The following PKD1 variants were observed in gnomAD, a reference collection of about 807,000 sequenced individuals.
PKD1 encodes the protein polycystin 1, transient receptor potential channel interacting, also known as polycystin-1.
In PKD1, 81 loss-of-function variants were observed where a neutral mutation model predicts 361.7. The ratio of observed to expected loss-of-function variants is 0.22; its 90% CI spans 0.19 to 0.27. PKD1 has a LOEUF of 0.27. Among genes scored for constraint, PKD1 ranks in the 10% least tolerant of loss-of-function variants. The pLI, the probability that PKD1 is intolerant of heterozygous loss-of-function variation, is 1.00. For synonymous variants in PKD1, 3,615 were observed against 2,818.3 expected (o/e 1.28, Z -8.95); for missense variants, 6,399 against 6,118.3 (o/e 1.05, Z -1.53).
Position 2,109,325 on chromosome 16 carries a change from C to T in PKD1, c.5842G>A (p.Val1948Met), listed in dbSNP as rs1316705471. ...HSFPRVGDHV[V>M]SVRGKNHVSW... is the part of the protein sequence containing the mutation. ...ACGTGGTTTTTGCCCCGCACGCTCACCACGTGGTCTCCGACGCGGGGGAAG... is the reference window on the plus strand; with the variant it reads ...ACGTGGTTTTTGCCCCGCACGCTCATCACGTGGTCTCCGACGCGGGGGAAG... The change falls in exon 15 of 46, where the codon GTG becomes ATG. Residue 1948 changes from valine to methionine, a missense_variant. Physicochemically the swap from Val to Met is conservative, Grantham distance 21. Transcript: ENST00000262304. 1 of 1,589,962 alleles carries T rather than the reference C, an allele frequency of 6.3e-7. No individual in the cohort carries two copies. The highest frequency in any genetic ancestry group is 1.7e-5 in the Admixed American group (1 of 59,718).
intron 23 of PKD1, 73 bp from the exon 24 acceptor site, chr16:2,103,043 C>G (rs1382203330): frequency 6.6e-7 from 1 of 1,520,426 alleles, no homozygotes; most frequent in Admixed American, 1.7e-5. Flanking sequence ...GATGGCCCTC[C>G]TGAGCCCACC....
intron 1 of PKD1, among the ~76,000 whole-genome samples, chr16:2,119,618 C>T (rs1463375110): frequency 6.6e-6 from 1 of 152,194 alleles, no homozygotes; most frequent in East Asian, 1.9e-4. Flanking sequence ...AGCCCTATGC[C>T]GAGTGCCACA....
At chr16:2,107,744 T>C in intron 16 of PKD1, 139 bp downstream of exon 16, 1 of 793,012 alleles carries the variant, frequency 1.3e-6, no homozygotes, top group African/African-American at 1.7e-5. Flanking sequence ...AAGCAGGCTG[T>C]CGTGTTACAT....
intron 21 of PKD1, among the ~76,000 whole-genome samples, chr16:2,104,843 G>A (rs1423233011): frequency 7.9e-6 from 1 of 125,998 alleles, no homozygotes; most frequent in East Asian, 2.4e-4. Flanking sequence ...ACCACGTGAT[G>A]CAGCCCACCG....
intron 23 of PKD1, 69 bp from the exon 24 acceptor site, chr16:2,103,039 C>T: frequency 6.6e-7 from 1 of 1,525,620 alleles, no homozygotes; most frequent in Non-Finnish European, 9.0e-7. Context: ...CCACGATGGC[C>T]CTCCTGAGCC....
In PKD1 at chr16:2,102,243, T is replaced by C. The variant is rs1213873054; in HGVS notation, c.9215A>G (p.Asp3072Gly). The C allele has an allele frequency of 6.6e-7, 1 of 1,526,396 alleles. No individual in the cohort carries two copies. The highest frequency in any genetic ancestry group is 1.4e-5 in the African/African-American group (1 of 70,628). The allele number at this position is 1,526,396 out of a possible 1,614,324, so 94.6% of individuals were successfully genotyped here. Residue 3072 changes from aspartate to glycine, a missense_variant, in exon 26 of 46, where the codon GAT becomes GGT. Transcript: ENST00000262304. ...VRFVFPEPTA[D>G]VNYIVMLTCA... ...TGTCAGCATGACGATGTAGTTTACA[T>C]CCGCTGTCGGCTCCTGTGAGGACAC...
chr16:2,115,434 C>T lies in PKD1; in HGVS notation c.2041G>A (p.Ala681Thr). ...SGPGLPGAPY[A>T]LWREFLFSVP... is the part of the protein sequence containing the mutation. ...GAGAAGAGGAACTCTCTCCATAGCGCATAGGGGGCCCCGGGTAGCCCTGGC... is the reference window on the plus strand; with the variant it reads ...GAGAAGAGGAACTCTCTCCATAGCGTATAGGGGGCCCCGGGTAGCCCTGGC... The change falls in exon 10 of 46, where the codon GCG becomes ACG. Residue 681 changes from alanine (A) to threonine (T), a missense_variant. Physicochemically the swap from Ala to Thr is moderately conservative, Grantham distance 58. Transcript: ENST00000262304. 1.9e-6 allele frequency: 3 copies of T among 1,591,856 alleles called. No individual in the cohort carries two copies. In the East Asian group the frequency reaches 6.8e-5, roughly 36 times the overall value.
Position 2,111,565 on chromosome 16 carries a change from G to A in PKD1, c.3602C>T (p.Ala1201Val), listed in dbSNP as rs773471530. ...AAAGACGCGCACATCCGCCTGGGCCGCCGCACCGCTCACCGTGTTGTTGAC... is the reference window on the plus strand; with the variant it reads ...AAAGACGCGCACATCCGCCTGGGCCACCGCACCGCTCACCGTGTTGTTGAC... ...LEVNNTVSGA[A>V]AQADVRVFEE... Residue 1201 changes from alanine to valine, a missense_variant, in exon 15 of 46, where the codon GCG becomes GTG. Physicochemically the swap from Ala to Val is moderately conservative, Grantham distance 64. Transcript: ENST00000262304. The A allele has an allele frequency of 3.2e-5, 51 of 1,579,654 alleles. No individual in the cohort carries two copies. Among genetic ancestry groups the A allele is most frequent in the Non-Finnish European group, 3.6e-5 (42 of 1,163,956 alleles).
rs757555029 is a variant in PKD1, at chr16:2,097,970, C to T, written c.10065G>A (p.Pro3355=). 226 of 1,585,986 alleles carry T rather than the reference C, an allele frequency of 1.4e-4. No individual in the cohort carries two copies. The highest frequency in any genetic ancestry group is 1.7e-4 in the Non-Finnish European group (199 of 1,160,420). ...CCTGCTGCCCGGCAGGTGTGGGGCTCGGGCTCCCAGCCACCTGCAGGACGA... is the reference window on the plus strand; with the variant it reads ...CCTGCTGCCCGGCAGGTGTGGGGCTTGGGCTCCCAGCCACCTGCAGGACGA... The part of the protein sequence containing the change: ...RMSRSKVAGS[P]SPTPAGQQVL... Residue 3355 remains proline, a synonymous_variant, in exon 31 of 46, where the codon CCG becomes CCA. Coordinates refer to ENST00000262304, the MANE Select transcript of PKD1 (RefSeq NM_001009944.3).
chr16:2,114,348 G>A lies in PKD1; in HGVS notation c.2675C>T (p.Thr892Ile), dbSNP rs2092593479. The A allele has an allele frequency of 1.2e-6, 2 of 1,610,390 alleles. No individual in the cohort carries two copies. Among genetic ancestry groups the A allele is most frequent in the East Asian group, 2.2e-5 (1 of 44,878 alleles). The change falls in exon 11 of 46, where the codon ACC (threonine) becomes ATC (isoleucine). Residue 892 changes from threonine (T) to isoleucine (I), a missense_variant. Coordinates refer to ENST00000262304, the MANE Select transcript of PKD1 (RefSeq NM_001009944.3). ...CGGCAGTGCTACCACTGAGAACAGG[G>A]TATCGTTGGTCTCCCAGGGGCAGCC... Reference protein sequence around the residue: ...VPGCPWETNDTLFSVVALPWL... With the variant: ...VPGCPWETNDILFSVVALPWL...
At chr16:2,115,264 G>A (rs1324816765) in intron 10 of PKD1, 114 bp downstream of exon 10, 33 of 1,161,176 alleles carry the variant, frequency 2.8e-5, no homozygotes, top group Non-Finnish European at 3.7e-5. Context: ...TGGCAAGGAC[G>A]TGGGAGGGGC....
intron 1 of PKD1, among the ~76,000 whole-genome samples, chr16:2,130,386 T>C (rs1290684534): frequency 1.3e-5 from 2 of 152,144 alleles, no homozygotes; most frequent in East Asian, 3.9e-4. Flanking sequence ...TGTGGGAGCT[T>C]TGAAACCTGG....
intron 1 of PKD1, among the ~76,000 whole-genome samples, chr16:2,134,746 G>A (rs936168988): frequency 6.7e-6 from 1 of 148,280 alleles, no homozygotes. Context: ...CAGGAGCCTG[G>A]CACAGACCTG....
intron 1 of PKD1, among the ~76,000 whole-genome samples, chr16:2,130,088 T>C (rs545352166): frequency 2.6e-5 from 4 of 152,274 alleles, no homozygotes; most frequent in Admixed American, 2.6e-4. Context: ...CTTGTCCACA[T>C]TTTTGTCCAC....
rs745419535 is a variant in PKD1 at position 2,106,653 on chromosome 16, T to G, written c.7234A>C (p.Asn2412His). The G allele has an allele frequency of 6.3e-7, 1 of 1,597,660 alleles. No individual in the cohort carries two copies. The highest frequency in any genetic ancestry group is 8.5e-7 in the Non-Finnish European group (1 of 1,179,186). Reference sequence around the variant, plus strand: ...GTCTCATCCAGCACCAGCGTCTTGTTGCTGAACGTACGTGCAGCCCACCGC... The same window carrying G: ...GTCTCATCCAGCACCAGCGTCTTGTGGCTGAACGTACGTGCAGCCCACCGC... ...RGRWAARTFS[N>H]KTLVLDETTT... is the part of the protein sequence containing the mutation. The change falls in exon 18 of 46, where the codon AAC (asparagine) becomes CAC (histidine). Residue 2412 changes from asparagine (N) to histidine (H), a missense_variant. Asn to His is a moderately conservative substitution (Grantham distance 68). Coordinates refer to ENST00000262304, the MANE Select transcript of PKD1 (RefSeq NM_001009944.3). This position sits in a 1 kb window ranked among gnomAD's most constrained non-coding sequence, Gnocchi z 6.5.
intron 30 of PKD1, chr16:2,099,373 T>G (rs950792813): frequency 1.8e-4 from 88 of 502,786 alleles, no homozygotes; most frequent in Non-Finnish European, 2.6e-4. Flanking sequence ...CGTGCTTGCT[T>G]CTTCTGAGTT....
chr16:2,094,085 A>G lies in PKD1; in HGVS notation c.10618+7T>C, dbSNP rs773918701. The G allele has an allele frequency of 1.0e-5, 16 of 1,590,426 alleles. No individual in the cohort carries two copies. Among genetic ancestry groups the G allele is most frequent in the Non-Finnish European group, 1.4e-5 (16 of 1,166,844 alleles). ...GCTAGGGGCATCCCGGGGCTACGCA[A>G]GCACACCTGTCCTGGACAGCCTCGC... is the stretch of plus-strand genomic sequence containing the variant. On this transcript the variant is annotated splice_region_variant and intron_variant, in intron 35 of 45. Coordinates refer to ENST00000262304, the MANE Select transcript of PKD1 (RefSeq NM_001009944.3).
At chr16:2,093,761 G>T in intron 36 of PKD1, 23 bp from the exon 37 acceptor site, 1 of 1,566,448 alleles carries the variant, frequency 6.4e-7, no homozygotes, top group Non-Finnish European at 8.6e-7. Flanking sequence ...TGGCTTCAGA[G>T]GGGTCCCCCG....
chr16:2,088,782 C>T lies in PKD1; in HGVS notation c.*945G>A, dbSNP rs776059099. Reference sequence around the variant, plus strand: ...TGGGGGGGTGTCGAGGCTCTAGAAGCGGCCATGCCCACAGAAGTGGTACAC... The same window carrying T: ...TGGGGGGGTGTCGAGGCTCTAGAAGTGGCCATGCCCACAGAAGTGGTACAC... On this transcript the variant is annotated 3_prime_UTR_variant, in exon 46 of 46. Transcript: ENST00000262304. 1.4e-4 allele frequency: 126 copies of T among 887,150 alleles called. No homozygotes were observed. The highest frequency in any genetic ancestry group is 1.1e-3 in the East Asian group (41 of 37,394). 55.0% of individuals were successfully genotyped at this position (887,150 alleles called of 1,614,324 possible).
Sources: gnomAD v4.1 joint callset for allele counts (sites outside exome capture counted in the v4.1 genomes callset) on GRCh38, gnomAD v4.1.1 for gene constraint, Gnocchi (gnomAD v3.1) non-coding constraint, MANE v1.5 for transcripts, NCBI Gene and HGNC (gene_info 2026-07-23, HGNC 2026-07-21) for gene names.